UNKL: variants seen among roughly 807,000 people sequenced by gnomAD.
UNKL encodes unk like zinc finger, also known as putative E3 ubiquitin-protein ligase UNKL.
Under a neutral mutation model 78.0 loss-of-function variants are expected in UNKL, and 60 were observed. The ratio of observed to expected loss-of-function variants is 0.77; its 90% confidence interval spans 0.63 to 0.95. The LOEUF is 0.95. UNKL is among the 40% of genes least tolerant of loss of function. The pLI, the probability that UNKL is intolerant of heterozygous loss-of-function variation, is 0.00. For missense variants in UNKL, 1,159 were observed against 1,045.7 expected (o/e 1.11, Z -1.49); for synonymous variants, 608 against 474.8 (o/e 1.28, Z -3.65).
chr16:1,371,725 G>T, intron 10 of UNKL, 114 bp from the exon 11 acceptor site: 1 of 1,118,304 alleles, frequency 8.9e-7, no homozygotes, highest in Non-Finnish European at 1.3e-6. Context: ...AAGGGCAGAA[G>T]GCGTGGGAGT....
intron 11 of UNKL, 111 bp from the exon 12 acceptor site, chr16:1,370,468 T>G: frequency 1.4e-6 from 2 of 1,436,544 alleles, no homozygotes; most frequent in East Asian, 2.6e-5. Flanking sequence ...GTGGTGGGGA[T>G]ATGGGGGGTG....
intron 3 of UNKL, 37 bp from the exon 4 acceptor site, chr16:1,401,738 C>A: frequency 6.3e-7 from 1 of 1,581,770 alleles, no homozygotes; most frequent in Non-Finnish European, 8.6e-7. Context: ...AGCTCTGCAT[C>A]TGGAGCCTCC....
At chr16:1,398,873 C>A (rs370582152) in intron 5 of UNKL, 4 of 1,575,242 alleles carry the variant, frequency 2.5e-6, no homozygotes, top group Non-Finnish European at 2.6e-6. Context: ...TGTGTGCACC[C>A]TGGGCAGGGC....
intron 10 of UNKL, among the ~76,000 whole-genome samples, chr16:1,375,246 G>A (rs569025943): frequency 6.6e-6 from 1 of 152,352 alleles, no homozygotes; most frequent in East Asian, 1.9e-4. Context: ...ACTTCACCCC[G>A]AATCTGGCCG....
intron 9 of UNKL, among the ~76,000 whole-genome samples, chr16:1,389,339 A>C (rs909357119): frequency 6.6e-6 from 1 of 152,122 alleles, no homozygotes; most frequent in African/African-American, 2.4e-5. Flanking sequence ...TAATCCCAAC[A>C]CTTTGGGAGG....
Position 1,371,629 on chromosome 16 carries a change from C to G in UNKL, c.1265-18G>C. 7 of 1,535,352 alleles carry G rather than the reference C, an allele frequency of 4.6e-6. No individual in the cohort carries two copies. The highest frequency in any genetic ancestry group is 6.1e-6 in the Non-Finnish European group (7 of 1,146,276). ...CGCAGAACCTGTCAACAGAGCCCCCCATCATCCACAGCCCACCCAGCGCTG... is the reference window on the plus strand; with the variant it reads ...CGCAGAACCTGTCAACAGAGCCCCCGATCATCCACAGCCCACCCAGCGCTG... On this transcript the variant is annotated intron_variant, in intron 10 of 14. Coordinates refer to ENST00000389221, the MANE Select transcript of UNKL (RefSeq NM_001372107.1).
At chr16:1,382,106 C>T (rs781501843) in intron 10 of UNKL, among the ~76,000 whole-genome samples, 8 of 152,244 alleles carry the variant, frequency 5.3e-5, no homozygotes, top group South Asian at 2.1e-4. Flanking sequence ...ACAACATGTA[C>T]GCCCTAGTTT....
chr16:1,367,694 T>A lies in UNKL; in HGVS notation c.1750A>T (p.Ile584Phe). 3.8e-6 allele frequency: 6 copies of A among 1,581,614 alleles called. No individual in the cohort carries two copies. The highest frequency in any genetic ancestry group is 5.2e-6 in the Non-Finnish European group (6 of 1,164,968). Residue 584 changes from isoleucine to phenylalanine, a missense_variant, in exon 13 of 15, where the codon ATC becomes TTC. Physicochemically the swap from Ile to Phe is conservative, Grantham distance 21. Transcript: ENST00000389221. ...RRQLDEAKRK[I>F]RQWEESWQQV... The stretch of plus-strand genomic sequence containing the variant: ...TGCCAGGACTCCTCCCACTGCCGGA[T>A]CTTCCTCTTGGCCTCGTCCAGCTGC...
chr16:1,370,927 C>T (rs1316329531), intron 11 of UNKL, among the ~76,000 whole-genome samples: 1 of 151,816 alleles, frequency 6.6e-6, no homozygotes. Context: ...ATTAAAAATA[C>T]AAAAAATTAG....
chr16:1,369,055 GTTTTTTTTTTTTTTTT>G (rs1218071522), intron 12 of UNKL, among the ~76,000 whole-genome samples: 1 of 53,690 alleles, frequency 1.9e-5, no homozygotes, highest in Admixed American at 3.1e-4. Flanking sequence ...CAAAGTATTA[GTTTTTTTTTTTTTTTT>G]TTTTTTTTTT....
chr16:1,398,774 G>A (rs1390994949), intron 5 of UNKL: 1 of 1,524,502 alleles, frequency 6.6e-7, no homozygotes, highest in Non-Finnish European at 8.8e-7. Context: ...GGAGGAGAAA[G>A]GGGCTTCAGA....
At chr16:1,409,371 A>C (rs1208934041) in intron 2 of UNKL, among the ~76,000 whole-genome samples, 1 of 150,726 alleles carries the variant, frequency 6.6e-6, no homozygotes, top group Admixed American at 6.7e-5. Flanking sequence ...AGCGATGAGA[A>C]AGTCCCACTC....
At chr16:1,393,005 G>T in intron 7 of UNKL, 29 bp from the exon 8 acceptor site, 1 of 1,548,828 alleles carries the variant, frequency 6.5e-7, no homozygotes, top group South Asian at 1.2e-5. Flanking sequence ...AGCAGACTCT[G>T]AGGGCCGCTG....
chr16:1,384,663 A>G (rs1411314913), intron 10 of UNKL, among the ~76,000 whole-genome samples: 1 of 151,972 alleles, frequency 6.6e-6, no homozygotes, highest in East Asian at 1.9e-4. Context: ...CAGTGGTGTA[A>G]TCACAGCTCA....
chr16:1,392,854 GAC>G, intron 8 of UNKL, 35 bp downstream of exon 8: 1 of 1,548,578 alleles, frequency 6.5e-7, no homozygotes, highest in Non-Finnish European at 8.7e-7. Flanking sequence ...TAAACCAAAG[GAC>G]ACTGGGCATT....
Position 1,367,077 on chromosome 16 carries a change from C to A in UNKL, c.2046+15G>T. 6.6e-7 allele frequency: 1 copy of A among 1,523,492 alleles called. No homozygotes were observed. 94.4% of individuals were successfully genotyped at this position (1,523,492 alleles called of 1,614,324 possible). A position where few individuals can be genotyped will look rare whatever the true frequency, so the allele number is the denominator to read the frequency against. ...AGGCAGGCTGGCCCCTCACCCTGCC[C>A]AGAGCAGGACTCACGCCGTCCACCG... On this transcript the variant is annotated intron_variant, in intron 14 of 14. Transcript: ENST00000389221.
At chr16:1,414,593 C>G in intron 1 of UNKL, 22 bp downstream of exon 1, 1 of 1,022,974 alleles carries the variant, frequency 9.8e-7, no homozygotes, top group African/African-American at 1.7e-5. Context: ...GGCGGGGGGC[C>G]GCAGGCCGGA....
chr16:1,395,815 G>C (rs755069171), intron 6 of UNKL: 1 of 453,598 alleles, frequency 2.2e-6, no homozygotes, highest in South Asian at 1.6e-5. Flanking sequence ...ACAGGCCCCT[G>C]GTGACACCAT....
chr16:1,367,968 T>C, intron 12 of UNKL, 110 bp from the exon 13 acceptor site: 1 of 982,498 alleles, frequency 1.0e-6, no homozygotes, highest in Non-Finnish European at 1.5e-6. Context: ...CCTCTGGGGC[T>C]CACCTGCCCT....
Sources: gnomAD v4.1 joint callset for allele counts (sites outside exome capture counted in the v4.1 genomes callset) on GRCh38, gnomAD v4.1.1 for gene constraint, MANE v1.5 for transcripts, NCBI Gene and HGNC (gene_info 2026-07-23, HGNC 2026-07-21) for gene names.